The following EGLN1 variants were observed in gnomAD, a reference collection of about 807,000 sequenced individuals.
The protein encoded by EGLN1 is egl-9 family hypoxia inducible factor 1.
Under a neutral mutation model 38.3 loss-of-function variants are expected in EGLN1, and 17 were observed. The observed-to-expected ratio is 0.44, with a 90% CI of 0.30 to 0.67. The LOEUF (loss-of-function observed/expected upper bound fraction) is 0.67, where lower values mean the gene tolerates loss of function less well. Among genes scored for constraint, EGLN1 ranks in the 30% least tolerant of loss-of-function variants. EGLN1 has a pLI of 0.08. For synonymous variants in EGLN1, 283 were observed against 257.5 expected, an observed-to-expected ratio of 1.10 and a Z score of -0.95; for missense variants, 477 against 603.3, an observed-to-expected ratio of 0.79 and a Z score of 2.19.
intron 1 of EGLN1, among the ~76,000 whole-genome samples, chr1:231,375,427 T>C (rs1038560944): frequency 2.6e-5 from 4 of 152,178 alleles, no homozygotes; most frequent in African/African-American, 9.7e-5. Context: ...TATAAAGTTA[T>C]CAAACAGTAA....
At chr1:231,385,110 G>A (rs952144147) in intron 1 of EGLN1, among the ~76,000 whole-genome samples, 2 of 152,174 alleles carry the variant, frequency 1.3e-5, no homozygotes, top group Admixed American at 1.3e-4. Flanking sequence ...GCAGAATAAA[G>A]CAAGATGTCC....
chr1:231,375,675 T>C (rs561411875), intron 1 of EGLN1, among the ~76,000 whole-genome samples: 8 of 152,300 alleles, frequency 5.3e-5, no homozygotes, highest in South Asian at 2.1e-4. Context: ...GCACTGGAGG[T>C]TGGTAACAAC....
At chr1:231,390,560 G>C (rs1168380427) in intron 1 of EGLN1, among the ~76,000 whole-genome samples, 3 of 152,226 alleles carry the variant, frequency 2.0e-5, no homozygotes, top group Non-Finnish European at 4.4e-5. Flanking sequence ...ACCCAAGGTT[G>C]TTGGACTCTA....
At chr1:231,394,904 T>C (rs944086769) in intron 1 of EGLN1, among the ~76,000 whole-genome samples, 3 of 152,156 alleles carry the variant, frequency 2.0e-5, no homozygotes, top group African/African-American at 7.2e-5. Context: ...GGAAGAGACA[T>C]TCTTTCTCCT....
chr1:231,366,615 C>T, intron 4 of EGLN1, 140 bp from the exon 5 acceptor site: 1 of 801,806 alleles, frequency 1.2e-6, no homozygotes, highest in Non-Finnish European at 2.0e-6. Flanking sequence ...CACGCTTGTA[C>T]TTCCAAAAAC....
intron 1 of EGLN1, among the ~76,000 whole-genome samples, chr1:231,408,816 T>C (rs1458503986): frequency 6.6e-6 from 1 of 151,814 alleles, no homozygotes; most frequent in Admixed American, 6.6e-5. Context: ...CTTAGAGAAA[T>C]GAGGGCAAGA....
rs566898427 is a variant in EGLN1 at position 231,411,395 on chromosome 1, C to A, written c.891+9603G>T. On this transcript the variant is annotated intron_variant, in intron 1 of 4. Coordinates refer to ENST00000366641, the MANE Select transcript of EGLN1 (RefSeq NM_022051.3). ...TGCTTTTCTTTATAAATTACCCAGT[C>A]TCAGGTCTTCACAGCAGTGTGAAAA... Among the ~76,000 whole-genome samples the A allele has an allele frequency of 3.3e-5, 5 of 152,302 alleles. No individual in the cohort carries two copies. In the South Asian group the frequency reaches 1.0e-3, roughly 32 times the overall value.
intron 1 of EGLN1, among the ~76,000 whole-genome samples, chr1:231,399,680 T>A (rs1688617159): frequency 6.6e-6 from 1 of 151,942 alleles, no homozygotes; most frequent in Admixed American, 6.5e-5. Context: ...AATCATGACA[T>A]AAGTACTATT....
In EGLN1 at chr1:231,397,659, G is replaced by A. The variant is rs112554919; in HGVS notation, c.891+23339C>T. 1.4e-3 allele frequency among the ~76,000 whole-genome samples: 216 copies of A among 152,306 alleles called. 2 individuals carry two copies. The highest frequency in any genetic ancestry group is 4.7e-3 in the African/African-American group (195 of 41,562). On this transcript the variant is annotated intron_variant, in intron 1 of 4. Transcript: ENST00000366641. The stretch of plus-strand genomic sequence containing the variant: ...TGCATCAAAACATGAGGATTGTTAA[G>A]GCTAGAACTGTGTTTTGTCTTTATG...
chr1:231,386,036 G>A (rs1688196334), intron 1 of EGLN1, among the ~76,000 whole-genome samples: 1 of 151,566 alleles, frequency 6.6e-6, no homozygotes, highest in African/African-American at 2.4e-5. Context: ...AGCTGGCCTC[G>A]GACTTCTGGA....
At chr1:231,389,804 T>A (rs899435046) in intron 1 of EGLN1, among the ~76,000 whole-genome samples, 4 of 152,180 alleles carry the variant, frequency 2.6e-5, no homozygotes, top group Middle Eastern at 3.4e-3. Context: ...AAAAATCAGC[T>A]GGGTGTGGTG....
At chr1:231,380,687 A>G (rs182716403) in intron 1 of EGLN1, among the ~76,000 whole-genome samples, 12 of 152,292 alleles carry the variant, frequency 7.9e-5, no homozygotes, top group Admixed American at 6.5e-4. Flanking sequence ...TTATATTCCT[A>G]CTGGCTTTGT....
rs149289849 is a variant in EGLN1, at chr1:231,404,497, G to T, written c.891+16501C>A. Among the ~76,000 whole-genome samples the T allele has an allele frequency of 8.0e-4, 121 of 152,098 alleles. 3 individuals are homozygous for T. The East Asian group carries it at 0.023, about 29-fold the overall frequency. ...ACGTCAGTAAGACCTGTAAAATAAG[G>T]CCAGGCACAGTGGCTCATGCCTGTA... On this transcript the variant is annotated intron_variant, in intron 1 of 4. Transcript: ENST00000366641.
At chr1:231,406,151 G>A (rs1466630086) in intron 1 of EGLN1, among the ~76,000 whole-genome samples, 6 of 109,098 alleles carry the variant, frequency 5.5e-5, no homozygotes, top group Non-Finnish European at 2.0e-5. Flanking sequence ...GACAGAGCCA[G>A]AGAGACTCCG....
At chr1:231,415,451 T>TA (rs1689055536) in intron 1 of EGLN1, among the ~76,000 whole-genome samples, 1 of 146,728 alleles carries the variant, frequency 6.8e-6, no homozygotes, top group Admixed American at 6.7e-5. Flanking sequence ...TTCTTCTCTT[T>TA]TAAAAAAAAA....
chr1:231,400,013 C>G (rs972908137), intron 1 of EGLN1, among the ~76,000 whole-genome samples: 1 of 151,910 alleles, frequency 6.6e-6, no homozygotes, highest in Admixed American at 6.6e-5. Flanking sequence ...CTTTTAGAAG[C>G]CTTGGGGAAA....
At chr1:231,391,345 G>C (rs1303026116) in intron 1 of EGLN1, among the ~76,000 whole-genome samples, 6 of 152,044 alleles carry the variant, frequency 3.9e-5, no homozygotes, top group Admixed American at 3.9e-4. Context: ...ATCTAGCAGA[G>C]ATTTAAAATA....
intron 1 of EGLN1, among the ~76,000 whole-genome samples, chr1:231,389,207 C>G (rs1688307785): frequency 6.6e-6 from 1 of 152,182 alleles, no homozygotes; most frequent in Admixed American, 6.5e-5. Context: ...TAACCAGCAG[C>G]ATTTACTGAC....
Position 231,365,235 on chromosome 1 carries a change from A to G in EGLN1, c.*1176T>C, listed in dbSNP as rs1425156706. The G allele has an allele frequency of 6.6e-6, 1 of 152,238 alleles. No homozygotes were observed. The highest frequency in any genetic ancestry group is 2.4e-5 in the African/African-American group (1 of 41,462). The allele number at this position is 152,238 out of a possible 1,614,324, so 9.4% of individuals were successfully genotyped here. ...GATAGATCACAGTATTAGGAAAAAA[A>G]CATAACAGCAAATTTGGAAGTACAA... On this transcript the variant is annotated 3_prime_UTR_variant, in exon 5 of 5. Transcript: ENST00000366641.
Sources: gnomAD v4.1 joint callset for allele counts (sites outside exome capture counted in the v4.1 genomes callset) on GRCh38, gnomAD v4.1.1 for gene constraint, MANE v1.5 for transcripts, NCBI Gene and HGNC (gene_info 2026-07-23, HGNC 2026-07-21) for gene names.